TRHDE: variants seen among roughly 807,000 people sequenced by gnomAD.
TRHDE encodes thyrotropin-releasing hormone-degrading ectoenzyme.
In TRHDE, 72 loss-of-function variants were observed where a neutral mutation model predicts 125.7. The observed-to-expected ratio is 0.57, with a 90% confidence interval of 0.47 to 0.70. The LOEUF (loss-of-function observed/expected upper bound fraction) is 0.70. TRHDE is among the 30% of genes least tolerant of loss of function. The pLI is 0.00. For synonymous variants in TRHDE, 509 were observed against 509.1 expected (o/e 1.00, Z 0.00); for missense variants, 1,110 against 1,327.1 (o/e 0.84, Z 2.54).
chr12:72,570,445 G>A (rs1433149086), intron 10 of TRHDE, among the ~76,000 whole-genome samples: 1 of 151,904 alleles, frequency 6.6e-6, no homozygotes, highest in African/African-American at 2.4e-5. Flanking sequence ...GCTGGGCATG[G>A]TGGTGGGCAC....
intron 2 of TRHDE, among the ~76,000 whole-genome samples, chr12:72,342,478 C>T (rs1004304532): frequency 5.9e-5 from 9 of 152,056 alleles, no homozygotes; most frequent in Non-Finnish European, 1.3e-4. Flanking sequence ...TGAATATACT[C>T]TTCCTGTTTC....
intron 2 of TRHDE, among the ~76,000 whole-genome samples, chr12:72,149,646 C>A (rs908651835): frequency 9.3e-5 from 14 of 151,140 alleles, no homozygotes; most frequent in Non-Finnish European, 1.9e-4. Context: ...TTATTGTAAA[C>A]AACTAAATAA....
intron 2 of TRHDE, among the ~76,000 whole-genome samples, chr12:72,132,742 A>G (rs191891403): frequency 6.6e-6 from 1 of 152,308 alleles, no homozygotes; most frequent in East Asian, 1.9e-4. Context: ...GCAGATGAAT[A>G]GAACCTGTGC....
chr12:72,534,325 A>C (rs1434275080), intron 6 of TRHDE, among the ~76,000 whole-genome samples: 1 of 152,164 alleles, frequency 6.6e-6, no homozygotes, highest in East Asian at 1.9e-4. Flanking sequence ...ACTGTGGAGG[A>C]GAGAAAAACA....
Position 72,378,067 on chromosome 12 carries a change from T to C in TRHDE, c.1261T>C (p.Leu421=). 6.2e-7 allele frequency: 1 copy of C among 1,606,328 alleles called. No homozygotes were observed. Among genetic ancestry groups the C allele is most frequent in the Non-Finnish European group, 8.5e-7 (1 of 1,176,148 alleles). The change falls in exon 3 of 19, where the codon TTA becomes CTA. Residue 421 remains leucine, a synonymous_variant. Transcript: ENST00000261180. The part of the protein sequence containing the change: ...GDYALHITKR[L]IEFYEDYFKV... ...CTATGCTCTCCATATAACAAAGAGA[T>C]TAATAGAATTTTATGAAGACTACTT...
At chr12:72,625,579 G>A (rs1319419728) in intron 15 of TRHDE, among the ~76,000 whole-genome samples, 1 of 151,796 alleles carries the variant, frequency 6.6e-6, no homozygotes, top group Non-Finnish European at 1.5e-5. Flanking sequence ...TACTAGTATT[G>A]TCTTTAATGA....
intron 2 of TRHDE, among the ~76,000 whole-genome samples, chr12:72,372,177 G>A (rs1871629478): frequency 6.6e-6 from 1 of 152,118 alleles, no homozygotes; most frequent in Admixed American, 6.5e-5. Context: ...TCTTTTGGCT[G>A]CATAAATGTC....
At chr12:72,289,264 C>A (rs1165464682) in intron 2 of TRHDE, among the ~76,000 whole-genome samples, 1 of 152,058 alleles carries the variant, frequency 6.6e-6, no homozygotes, top group Non-Finnish European at 1.5e-5. Context: ...AAATAATATA[C>A]AGCTGAATGG....
At chr12:72,131,474 A>AT (rs1322925776) in intron 2 of TRHDE, among the ~76,000 whole-genome samples, 4 of 152,230 alleles carry the variant, frequency 2.6e-5, no homozygotes, top group East Asian at 1.9e-4. Context: ...TAATGAATAG[A>AT]TTTTTTTAAA....
chr12:72,479,826 C>G (rs1197574739), intron 5 of TRHDE, among the ~76,000 whole-genome samples: 1 of 145,474 alleles, frequency 6.9e-6, no homozygotes, highest in Non-Finnish European at 1.5e-5. Flanking sequence ...CCCCACCCCA[C>G]AACAGTCCCC....
In TRHDE at chr12:72,259,399, A is replaced by G. The variant is rs1199003641; in HGVS notation, n.280-118596A>G. Among the ~76,000 whole-genome samples the G allele has an allele frequency of 2.6e-5, 4 of 152,094 alleles. No homozygotes were observed. In the South Asian group the frequency reaches 6.2e-4, roughly 24 times the overall value. On this transcript the variant is annotated intron_variant and non_coding_transcript_variant, in intron 2 of 4. Coordinates refer to the TRHDE transcript ENST00000548156. ...GAACTTTCTTACCTTCTGGCCCAAC[A>G]TGTTCAAAGCTCCTTATTCTTCCCC...
intron 2 of TRHDE, among the ~76,000 whole-genome samples, chr12:72,377,415 C>G (rs1307091774): frequency 1.3e-5 from 2 of 151,416 alleles, no homozygotes; most frequent in Non-Finnish European, 2.9e-5. Flanking sequence ...GAGTTTGAAG[C>G]CAGGAGCAGT....
chr12:72,092,287 T>C (rs1441045130), intron 1 of TRHDE, among the ~76,000 whole-genome samples: 1 of 152,242 alleles, frequency 6.6e-6, no homozygotes, highest in Non-Finnish European at 1.5e-5. Flanking sequence ...TGAATTTCTC[T>C]TCTGGAATTG....
intron 5 of TRHDE, among the ~76,000 whole-genome samples, chr12:72,492,880 A>C (rs1274694895): frequency 6.6e-6 from 1 of 151,874 alleles, no homozygotes; most frequent in Non-Finnish European, 1.5e-5. Context: ...TAGACACTGA[A>C]AGCATTTTAA....
intron 2 of TRHDE, among the ~76,000 whole-genome samples, chr12:72,310,024 G>A (rs969706685): frequency 1.3e-5 from 2 of 152,186 alleles, no homozygotes; most frequent in Non-Finnish European, 2.9e-5. Flanking sequence ...CTAATGAAGA[G>A]TGGGTGTACA....
intron 2 of TRHDE, among the ~76,000 whole-genome samples, chr12:72,346,447 G>T (rs1179822382): frequency 1.3e-5 from 2 of 148,382 alleles, no homozygotes; most frequent in African/African-American, 5.0e-5. Flanking sequence ...TAGAGCTGTT[G>T]GGTCTGTCTG....
At chr12:72,592,071 T>G (rs1871710406) in intron 12 of TRHDE, among the ~76,000 whole-genome samples, 1 of 152,288 alleles carries the variant, frequency 6.6e-6, no homozygotes, top group Admixed American at 6.5e-5. Flanking sequence ...GTCAAATATT[T>G]TTTTCTTTCC....
intron 6 of TRHDE, among the ~76,000 whole-genome samples, chr12:72,507,199 T>A (rs561161464): frequency 6.6e-6 from 1 of 152,152 alleles, no homozygotes; most frequent in African/African-American, 2.4e-5. Context: ...TAATTCTTTA[T>A]AGCAATGTGA....
intron 5 of TRHDE, among the ~76,000 whole-genome samples, chr12:72,493,995 A>G (rs1352480212): frequency 6.6e-6 from 1 of 152,060 alleles, no homozygotes; most frequent in African/African-American, 2.4e-5. Flanking sequence ...TCCTACTTCT[A>G]TAGCCTTTGC....
Sources: allele counts gnomAD v4.1 joint callset (sites outside exome capture counted in the v4.1 genomes callset), GRCh38; gene constraint gnomAD v4.1.1; transcripts MANE v1.5; gene names NCBI Gene and HGNC (gene_info 2026-07-23, HGNC 2026-07-21).